ACOX3: variants seen among roughly 807,000 people sequenced by gnomAD.
The protein encoded by ACOX3 is acyl-CoA oxidase 3, pristanoyl, also known as peroxisomal acyl-coenzyme A oxidase 3.
Under a neutral mutation model 81.5 loss-of-function variants are expected in ACOX3, and 73 were observed. That is an observed-to-expected ratio of 0.90 (90% CI 0.74 to 1.09). ACOX3 has a LOEUF of 1.09. Ranked by LOEUF, ACOX3 falls within the 50% of genes least tolerant of loss-of-function variation. The pLI is 0.00. For synonymous variants in ACOX3, 387 were observed against 375.1 expected (o/e 1.03, Z -0.37); for missense variants, 947 against 928.0 (o/e 1.02, Z -0.27).
Position 8,397,106 on chromosome 4 carries a change from C to T in ACOX3, c.887G>A (p.Arg296His), listed in dbSNP as rs146357488. ...CAGGCTCCCCAGGGACGCTCCAAAG[C>T]GCTGCCTGACGTCCTACGGGAGGGA... ...YVSPFKDVRQ[R>H]FGASLGSLSS... The change falls in exon 9 of 18, where the codon CGC becomes CAC. Residue 296 changes from arginine (R) to histidine (H), a missense_variant. Coordinates refer to ENST00000356406, the MANE Select transcript of ACOX3 (RefSeq NM_003501.3). 132 of 1,558,404 alleles carry T rather than the reference C, an allele frequency of 8.5e-5. No individual in the cohort carries two copies. The highest frequency in any genetic ancestry group is 1.1e-4 in the Non-Finnish European group (126 of 1,155,814).
At chr4:8,359,648 T>G in the ACOX3 span, among the ~76,000 whole-genome samples, 8 of 152,246 alleles carry the variant, frequency 5.3e-5, no homozygotes, top group African/African-American at 1.9e-4. The surrounding 1 kb of genome is among the most constrained non-coding windows in gnomAD (Gnocchi z 6.0). Context: ...ACGGGGAAAC[T>G]TGGGAGCTGA....
At chr4:8,356,339 T>C in the ACOX3 span, 3 of 358,178 alleles carry the variant, frequency 8.4e-6, no homozygotes, top group South Asian at 6.4e-5. Flanking sequence ...ATAAGAAATC[T>C]CCCCTGTGCA....
intron 3 of ACOX3, 135 bp from the exon 4 acceptor site, chr4:8,415,063 G>A: frequency 1.2e-6 from 1 of 840,686 alleles, no homozygotes; most frequent in Non-Finnish European, 2.0e-6. Flanking sequence ...TCCCCAAGGT[G>A]GAGAACAAGT....
At chr4:8,366,073 C>G (rs957865320), downstream of ACOX3, among the ~76,000 whole-genome samples, 3 of 152,152 alleles carry the variant, frequency 2.0e-5, no homozygotes, top group African/African-American at 7.2e-5. Context: ...AAGCAGGACC[C>G]AGATGCAAAG....
intron 16 of ACOX3, among the ~76,000 whole-genome samples, chr4:8,371,734 C>T (rs531831909): frequency 1.2e-4 from 18 of 152,394 alleles, no homozygotes; most frequent in Non-Finnish European, 1.6e-4. Flanking sequence ...TCCTGGTCCA[C>T]GTGCCTCAGC....
chr4:8,355,858 T>C, the ACOX3 span: 1 of 153,894 alleles, frequency 6.5e-6, no homozygotes, highest in Non-Finnish European at 1.4e-5. Flanking sequence ...CTAAATGCCT[T>C]CTTAGATAGA....
rs754354940 is a variant in ACOX3 at position 8,423,082 on chromosome 4, TG to T, written c.-14-6548del. 6.6e-6 allele frequency among the ~76,000 whole-genome samples: 1 copy of T among 152,174 alleles called. No homozygotes were observed. The highest frequency in any genetic ancestry group is 1.5e-5 in the Non-Finnish European group (1 of 68,034). Reference sequence around the variant, plus strand: ...AGAAGGTTAACTGTCTCCTGAACACTGGCATGGCCTTCTCAGTCTTAGTCTC... The same window carrying T: ...AGAAGGTTAACTGTCTCCTGAACACTGCATGGCCTTCTCAGTCTTAGTCTC... On this transcript the variant is annotated intron_variant, in intron 1 of 17. Coordinates refer to ENST00000356406, the MANE Select transcript of ACOX3 (RefSeq NM_003501.3). The surrounding 1 kb of genome is among the most constrained non-coding windows in gnomAD (Gnocchi z 4.2).
chr4:8,440,712 C>G lies in ACOX3; in HGVS notation c.-79G>C. On this transcript the variant is annotated 5_prime_UTR_variant, in exon 1 of 18. Coordinates refer to ENST00000356406, the MANE Select transcript of ACOX3 (RefSeq NM_003501.3). The stretch of plus-strand genomic sequence containing the variant: ...AAGCAGGAAAGGATCTCCAGCGGCG[C>G]CATTCTCATTTCCGGTCCCAGCACC... 1.6e-6 allele frequency: 2 copies of G among 1,290,126 alleles called. No individual in the cohort carries two copies. The highest frequency in any genetic ancestry group is 2.0e-6 in the Non-Finnish European group (2 of 993,752). 79.9% of individuals were successfully genotyped at this position (1,290,126 alleles called of 1,614,324 possible). A position where few individuals can be genotyped will look rare whatever the true frequency, so the allele number is the denominator to read the frequency against.
intron 6 of ACOX3, among the ~76,000 whole-genome samples, chr4:8,408,450 G>C (rs544879705): frequency 6.6e-6 from 1 of 152,158 alleles, no homozygotes; most frequent in Non-Finnish European, 1.5e-5. Flanking sequence ...ACTTGGTGCA[G>C]TGGCGAGAGG....
rs761298008 is a variant in ACOX3, at chr4:8,366,955, G to C, written c.*6C>G. On this transcript the variant is annotated 3_prime_UTR_variant, in exon 18 of 18. Transcript: ENST00000356406. ...ATTAGACTTGGCTGAATGTGTGCCA[G>C]TCCCACTAGAGCTTCGATTTCAGAC... 6.2e-7 allele frequency: 1 copy of C among 1,613,672 alleles called. No individual in the cohort carries two copies. Among genetic ancestry groups the C allele is most frequent in the African/African-American group, 1.3e-5 (1 of 75,036 alleles).
chr4:8,378,472 G>C (rs1316648568), intron 14 of ACOX3, among the ~76,000 whole-genome samples: 1 of 152,194 alleles, frequency 6.6e-6, no homozygotes, highest in African/African-American at 2.4e-5. Flanking sequence ...TTGTGGCAGG[G>C]GTTGGTCCCA....
At position 8,389,487 on chromosome 4, in the gene ACOX3, A is replaced by G; in HGVS notation, c.1423+125T>C. The G allele has an allele frequency of 1.3e-6, 2 of 1,503,170 alleles. No homozygotes were observed. The highest frequency in any genetic ancestry group is 2.3e-5 in the East Asian group (1 of 43,934). The allele number at this position is 1,503,170 out of a possible 1,614,324, so 93.1% of individuals were successfully genotyped here. On this transcript the variant is annotated intron_variant, in intron 12 of 17. Coordinates refer to ENST00000356406, the MANE Select transcript of ACOX3 (RefSeq NM_003501.3). This position sits in a 1 kb window ranked among gnomAD's most constrained non-coding sequence, Gnocchi z 5.3. ...GGGGAGTTGGTCGGCACTATCTAAT[A>G]ACATTTCTTTCCTTCTGCAAACCTA...
At chr4:8,390,448 G>GC (rs1718852654) in intron 11 of ACOX3, among the ~76,000 whole-genome samples, 1 of 152,188 alleles carries the variant, frequency 6.6e-6, no homozygotes, top group African/African-American at 2.4e-5. Flanking sequence ...GCCCTGCAGA[G>GC]CCTCCCCTGG....
intron 7 of ACOX3, among the ~76,000 whole-genome samples, chr4:8,404,657 G>A (rs962693725): frequency 6.6e-6 from 1 of 152,120 alleles, no homozygotes; most frequent in African/African-American, 2.4e-5. Context: ...TTTCTCCATC[G>A]CTGAGCGCTC....
chr4:8,367,114 AAG>A (rs762201853), intron 17 of ACOX3, 34 bp from the exon 18 acceptor site: 2 of 1,603,750 alleles, frequency 1.2e-6, no homozygotes, highest in Non-Finnish European at 8.5e-7. Flanking sequence ...AGTGAAGACA[AAG>A]AAATAAGAAG....
downstream of ACOX3, among the ~76,000 whole-genome samples, chr4:8,365,751 T>A (rs564364186): frequency 6.6e-6 from 1 of 151,980 alleles, no homozygotes; most frequent in East Asian, 1.9e-4. Flanking sequence ...TGGGATGTGG[T>A]GGGGGGGTGG....
intron 16 of ACOX3, 36 bp from the exon 17 acceptor site, chr4:8,371,030 C>T (rs1716123650): frequency 1.9e-6 from 3 of 1,598,872 alleles, no homozygotes; most frequent in Non-Finnish European, 2.6e-6. Context: ...TTGGCACCTC[C>T]CGGGAATTTC....
intron 16 of ACOX3, among the ~76,000 whole-genome samples, chr4:8,371,446 A>T (rs962555443): frequency 2.0e-5 from 3 of 152,230 alleles, no homozygotes; most frequent in Admixed American, 1.3e-4. Context: ...CGGTGGTTTT[A>T]TTACTCTCCC....
chr4:8,399,719 G>C lies in ACOX3; in HGVS notation c.777-67C>G, dbSNP rs1452225806. On this transcript the variant is annotated intron_variant, in intron 7 of 17. Coordinates refer to ENST00000356406, the MANE Select transcript of ACOX3 (RefSeq NM_003501.3). This position sits in a 1 kb window ranked among gnomAD's most constrained non-coding sequence, Gnocchi z 4.9. Reference sequence around the variant, plus strand: ...CCCTGAGGCTCTTCTCTTCTCCAAGGGCAGCCTAAAAGCTGATGCAATCCC... The same window carrying C: ...CCCTGAGGCTCTTCTCTTCTCCAAGCGCAGCCTAAAAGCTGATGCAATCCC... 3 of 1,456,206 alleles carry C rather than the reference G, an allele frequency of 2.1e-6. No individual in the cohort carries two copies. The highest frequency in any genetic ancestry group is 1.4e-5 in the African/African-American group (1 of 71,260). 90.2% of individuals were successfully genotyped at this position (1,456,206 alleles called of 1,614,324 possible).
Sources: allele counts gnomAD v4.1 joint callset (sites outside exome capture counted in the v4.1 genomes callset), GRCh38; gene constraint gnomAD v4.1.1; non-coding constraint Gnocchi (gnomAD v3.1); transcripts MANE v1.5; gene names NCBI Gene and HGNC (gene_info 2026-07-23, HGNC 2026-07-21).